Variants in SYT10 observed in about 807,000 individuals in gnomAD.
SYT10 encodes synaptotagmin-10.
In SYT10, 31 loss-of-function variants were observed where a neutral mutation model predicts 51.1. That is an observed-to-expected ratio of 0.61 (90% CI 0.46 to 0.82). The LOEUF (loss-of-function observed/expected upper bound fraction) is 0.82. Among genes scored for constraint, SYT10 ranks in the 40% least tolerant of loss-of-function variants. The pLI, the probability that SYT10 is intolerant of heterozygous loss-of-function variation, is 0.00. For synonymous variants in SYT10, 233 were observed against 225.9 expected, an observed-to-expected ratio of 1.03 and a Z score of -0.28; for missense variants, 603 against 634.0, an observed-to-expected ratio of 0.95 and a Z score of 0.53.
At chr12:33,424,397 G>C (rs529931467) in intron 2 of SYT10, among the ~76,000 whole-genome samples, 1 of 152,112 alleles carries the variant, frequency 6.6e-6, no homozygotes, top group Non-Finnish European at 1.5e-5. Flanking sequence ...ATCAACTAAA[G>C]AGTTGAATGA....
chr12:33,408,402 T>C (rs1866377651), intron 2 of SYT10: 1 of 152,150 alleles, frequency 6.6e-6, no homozygotes, highest in African/African-American at 2.4e-5. Context: ...TTTCCTATAG[T>C]CACTATTACT....
chr12:33,387,226 A>G (rs935965851), intron 3 of SYT10, among the ~76,000 whole-genome samples: 2 of 152,208 alleles, frequency 1.3e-5, no homozygotes, highest in African/African-American at 4.8e-5. Flanking sequence ...TAGAAGTCGT[A>G]CAGACCAGTA....
At chr12:33,380,096 C>A (rs988623662) in intron 5 of SYT10, 135 bp from the exon 6 acceptor site, 1 of 850,896 alleles carries the variant, frequency 1.2e-6, no homozygotes, top group East Asian at 2.9e-5. Context: ...TACTTCAGAC[C>A]GAATGAAATC....
rs7979248 is a variant in SYT10 at position 33,405,869 on chromosome 12, A to C, written c.1077+920T>G. The C allele has an allele frequency of 3.6e-3, 540 of 151,520 alleles. 1 individual carries two copies. Among genetic ancestry groups the C allele is most frequent in the African/African-American group, 0.012 (512 of 41,416 alleles). The allele number at this position is 151,520 out of a possible 1,614,324, so 9.4% of individuals were successfully genotyped here. A position where few individuals can be genotyped will look rare whatever the true frequency, so the allele number is the denominator to read the frequency against. ...CGGACAAATAATCTTGAAAAAAAAA[A>C]CAGATTTACAAAAAAAGAACATAAT... On this transcript the variant is annotated intron_variant, in intron 3 of 6. Coordinates refer to ENST00000228567, the MANE Select transcript of SYT10 (RefSeq NM_198992.4).
chr12:33,378,006 C>T (rs1866079296), intron 6 of SYT10, among the ~76,000 whole-genome samples: 1 of 152,160 alleles, frequency 6.6e-6, no homozygotes, highest in South Asian at 2.1e-4. Flanking sequence ...GTTCCCTTCT[C>T]ATATTTATGC....
intron 3 of SYT10, among the ~76,000 whole-genome samples, chr12:33,395,364 A>G (rs977550511): frequency 1.3e-5 from 2 of 152,226 alleles, no homozygotes; most frequent in African/African-American, 2.4e-5. Flanking sequence ...GTGTGTTAAT[A>G]ACTAATAATA....
At chr12:33,405,051 T>C (rs1182988593) in intron 3 of SYT10, 2 of 152,182 alleles carry the variant, frequency 1.3e-5, no homozygotes, top group Admixed American at 6.5e-5. Context: ...TAGTCGATTA[T>C]ACTAATTTTT....
chr12:33,428,957 T>C (rs866295771), intron 1 of SYT10, among the ~76,000 whole-genome samples: 35 of 146,576 alleles, frequency 2.4e-4, no homozygotes, highest in Middle Eastern at 3.7e-3. Flanking sequence ...TCTGTGAGAG[T>C]AGATAATTCC....
At chr12:33,399,182 T>C (rs1158231170) in intron 3 of SYT10, among the ~76,000 whole-genome samples, 1 of 152,192 alleles carries the variant, frequency 6.6e-6, no homozygotes, top group Non-Finnish European at 1.5e-5. Flanking sequence ...TAAAATACGG[T>C]TGGGAGCTAT....
At chr12:33,410,357 C>T (rs185113224) in intron 2 of SYT10, among the ~76,000 whole-genome samples, 61 of 152,194 alleles carry the variant, frequency 4.0e-4, no homozygotes, top group African/African-American at 1.4e-3. Context: ...AGCAGTAATT[C>T]AAAAAACACC....
At chr12:33,435,506 T>C (rs1001878807) in intron 1 of SYT10, among the ~76,000 whole-genome samples, 13 of 152,188 alleles carry the variant, frequency 8.5e-5, no homozygotes, top group African/African-American at 2.7e-4. Flanking sequence ...TATCCTCTTA[T>C]ATATTCTTCT....
intron 2 of SYT10, among the ~76,000 whole-genome samples, chr12:33,417,374 C>T (rs1286519107): frequency 6.6e-6 from 1 of 152,114 alleles, no homozygotes; most frequent in African/African-American, 2.4e-5. Flanking sequence ...ATACTCTGCC[C>T]CTTTGCCTTG....
At chr12:33,427,733 A>C (rs934294699) in intron 1 of SYT10, among the ~76,000 whole-genome samples, 1 of 152,226 alleles carries the variant, frequency 6.6e-6, no homozygotes, top group Non-Finnish European at 1.5e-5. Flanking sequence ...TCTTCATGAC[A>C]TATTTTTCTC....
chr12:33,424,407 AT>A (rs756345078), intron 2 of SYT10, among the ~76,000 whole-genome samples: 43 of 152,278 alleles, frequency 2.8e-4, no homozygotes, highest in Non-Finnish European at 5.0e-4. Flanking sequence ...GAGTTGAATG[AT>A]TCTGAATGCT....
At chr12:33,435,859 C>A (rs1307293861) in intron 1 of SYT10, among the ~76,000 whole-genome samples, 3 of 151,940 alleles carry the variant, frequency 2.0e-5, no homozygotes, top group African/African-American at 7.3e-5. Flanking sequence ...AAATTATTTC[C>A]CATATACCTA....
chr12:33,415,701 CA>C (rs2138423359), intron 2 of SYT10, among the ~76,000 whole-genome samples: 1 of 152,238 alleles, frequency 6.6e-6, no homozygotes, highest in Non-Finnish European at 1.5e-5. Flanking sequence ...GCTTGAATAG[CA>C]AGACGAAATC....
At chr12:33,380,917 TC>T (rs1320431059) in intron 5 of SYT10, among the ~76,000 whole-genome samples, 1 of 152,208 alleles carries the variant, frequency 6.6e-6, no homozygotes, top group Non-Finnish European at 1.5e-5. Flanking sequence ...TACTTTTTTT[TC>T]CATCATTGAT....
chr12:33,439,680 C>G lies in SYT10; in HGVS notation c.-158G>C. ...GAGCCGGCAACTCTTAGGAGCCCCA[C>G]GTTGGCCCCATGGCGGGAGCGGAGG... On this transcript the variant is annotated 5_prime_UTR_variant, in exon 1 of 7. Transcript: ENST00000228567. 3.4e-6 allele frequency: 3 copies of G among 878,906 alleles called. No individual in the cohort carries two copies. The highest frequency in any genetic ancestry group is 5.1e-6 in the Non-Finnish European group (3 of 593,820). The allele number at this position is 878,906 out of a possible 1,614,324, so 54.4% of individuals were successfully genotyped here.
At position 33,439,544 on chromosome 12, in the gene SYT10, T is replaced by C; in HGVS notation, c.-22A>G. 1 of 1,610,332 alleles carries C rather than the reference T, an allele frequency of 6.2e-7. No individual in the cohort carries two copies. ...TCATCGTTTGGCTTTTCTTTCGTTT[T>C]CTCTTTTTTTCCCAGTTAGCCGTCT... On this transcript the variant is annotated 5_prime_UTR_variant, in exon 1 of 7. Transcript: ENST00000228567.
Sources: allele counts gnomAD v4.1 joint callset (sites outside exome capture counted in the v4.1 genomes callset), GRCh38; gene constraint gnomAD v4.1.1; transcripts MANE v1.5; gene names NCBI Gene and HGNC (gene_info 2026-07-23, HGNC 2026-07-21).